Variants in ZNF334 observed in about 807,000 individuals in gnomAD.
ZNF334 encodes zinc finger protein 334.
Under a neutral mutation model 12.4 loss-of-function variants are expected in ZNF334, and 14 were observed. The observed-to-expected ratio is 1.13, with a 90% confidence interval of 0.74 to 1.76. The LOEUF is 1.76. Among genes scored for constraint, ZNF334 ranks in the 40% most tolerant of loss-of-function variants. The probability of loss-of-function intolerance (pLI) is 0.00; values close to 1 mark genes in which losing one functional copy is unlikely to be tolerated. For missense variants in ZNF334, 797 were observed against 804.5 expected, an observed-to-expected ratio of 0.99 and a Z score of 0.11; for synonymous variants, 273 against 269.6, an observed-to-expected ratio of 1.01 and a Z score of -0.12.
chr20:46,505,203 C>T (rs1185498829), intron 2 of ZNF334: 1 of 152,500 alleles, frequency 6.6e-6, no homozygotes, highest in African/African-American at 2.4e-5. Flanking sequence ...AGAATATACA[C>T]AGACACAAAA....
the ZNF334 span, among the ~76,000 whole-genome samples, chr20:46,479,519 C>A: frequency 6.6e-6 from 1 of 152,216 alleles, no homozygotes; most frequent in East Asian, 1.9e-4. Flanking sequence ...AAAACAGACT[C>A]TGTGGCAATA....
rs1349122799 is a variant in ZNF334 at position 46,502,347 on chromosome 20, A to G, written c.992T>C (p.Phe331Ser). Residue 331 changes from phenylalanine to serine, a missense_variant, in exon 5 of 5, where the codon TTT (phenylalanine) becomes TCT (serine). By Grantham distance (155) the Phe-to-Ser change is radical (BLOSUM62 -2). Transcript: ENST00000692313. ...ATGTTCAGCCAGGGCTGACTTCCGA[A>G]AAAAGGTCTTTCCACATTCATTACA... ...YECNECGKTF[F>S]RKSALAEHFR... 2 of 1,614,076 alleles carry G rather than the reference A, an allele frequency of 1.2e-6. No homozygotes were observed. Among genetic ancestry groups the G allele is most frequent in the Non-Finnish European group, 1.7e-6 (2 of 1,179,992 alleles).
At chr20:46,488,938 C>T in the ZNF334 span, among the ~76,000 whole-genome samples, 1 of 151,200 alleles carries the variant, frequency 6.6e-6, no homozygotes, top group African/African-American at 2.4e-5. Flanking sequence ...CCTCTGGTTG[C>T]TTTTACAGTT....
intron 2 of ZNF334, among the ~76,000 whole-genome samples, chr20:46,510,712 C>T (rs1399652910): frequency 2.1e-5 from 3 of 143,018 alleles, no homozygotes; most frequent in South Asian, 2.2e-4. Flanking sequence ...GAGCTGAGAT[C>T]GTGCCACTGC....
Position 46,501,412 on chromosome 20 carries a change from G to C in ZNF334, c.1927C>G (p.Leu643Val). 3 of 1,614,046 alleles carry C rather than the reference G, an allele frequency of 1.9e-6. No homozygotes were observed. Among genetic ancestry groups the C allele is most frequent in the South Asian group, 1.1e-5 (1 of 91,074 alleles). The change falls in exon 5 of 5, where the codon CTC (leucine) becomes GTC (valine). Residue 643 changes from leucine to valine, a missense_variant. Physicochemically the swap from Leu to Val is conservative, Grantham distance 32 (BLOSUM62 1). Transcript: ENST00000692313. ...CGKTYRRLWTLTEHQKIHTGE... is the reference protein window; with the variant it reads ...CGKTYRRLWTVTEHQKIHTGE... ...GTGTGTATTTTCTGATGTTCAGTGA[G>C]AGTCCACAGGCGACGGTAGGTTTTC... is the stretch of plus-strand genomic sequence containing the variant.
rs759953169 is a variant in ZNF334 at position 46,501,424 on chromosome 20, G to A, written c.1915C>T (p.Arg639Cys). 36 of 1,613,958 alleles carry A rather than the reference G, an allele frequency of 2.2e-5. No individual in the cohort carries two copies. Among genetic ancestry groups the A allele is most frequent in the East Asian group, 1.1e-4 (5 of 44,886 alleles). Residue 639 changes from arginine (R) to cysteine (C), a missense_variant, in exon 5 of 5, where the codon CGC becomes TGC. Arg to Cys is a radical substitution (Grantham distance 180). Coordinates refer to ENST00000692313, the MANE Select transcript of ZNF334 (RefSeq NM_001353824.2). The part of the protein sequence containing the change: ...ECNQCGKTYR[R>C]LWTLTEHQKI... ...TGATGTTCAGTGAGAGTCCACAGGC[G>A]ACGGTAGGTTTTCCCACATTGATTA... is the stretch of plus-strand genomic sequence containing the variant.
the ZNF334 span, among the ~76,000 whole-genome samples, chr20:46,473,225 C>T: frequency 1.3e-5 from 2 of 152,156 alleles, no homozygotes; most frequent in Non-Finnish European, 2.9e-5. Context: ...AGGCTACCCT[C>T]GTATTCCAAT....
rs761774776 is a variant in ZNF334, at chr20:46,501,627, G to A, written c.1712C>T (p.Pro571Leu). 5.6e-6 allele frequency: 9 copies of A among 1,613,998 alleles called. No individual in the cohort carries two copies. Among genetic ancestry groups the A allele is most frequent in the African/African-American group, 1.3e-5 (1 of 74,902 alleles). The change falls in exon 5 of 5, where the codon CCC (proline) becomes CTC (leucine). Residue 571 changes from proline (P) to leucine (L), a missense_variant. Coordinates refer to ENST00000692313, the MANE Select transcript of ZNF334 (RefSeq NM_001353824.2). ...HHQRTHTGQRPYECNECGKTF... is the reference protein window; with the variant it reads ...HHQRTHTGQRLYECNECGKTF... Reference sequence around the variant, plus strand: ...TTTCCCACATTCATTACACTCATAGGGTCTCTGTCCTGTGTGTGTTCTCTG... The same window carrying A: ...TTTCCCACATTCATTACACTCATAGAGTCTCTGTCCTGTGTGTGTTCTCTG...
intron 2 of ZNF334, 173 bp from the exon 3 acceptor site, chr20:46,504,913 TTAAAA>T: frequency 1.9e-6 from 1 of 529,284 alleles, no homozygotes; most frequent in Non-Finnish European, 3.2e-6. Context: ...AAAATGAATT[TTAAAA>T]ATGTGCTGAG....
At chr20:46,488,763 T>G in the ZNF334 span, among the ~76,000 whole-genome samples, 3 of 151,896 alleles carry the variant, frequency 2.0e-5, no homozygotes, top group East Asian at 5.8e-4. Flanking sequence ...TTTGTCTTCA[T>G]TTTTGAAAGC....
chr20:46,498,124 C>T (rs943353812), downstream of ZNF334, among the ~76,000 whole-genome samples: 1 of 152,176 alleles, frequency 6.6e-6, no homozygotes, highest in Non-Finnish European at 1.5e-5. Context: ...GTTTTCAGCG[C>T]GTCTCCTCTC....
Position 46,507,967 on chromosome 20 carries a change from A to T in ZNF334, c.22-3227T>A, listed in dbSNP as rs3795124. ...AATGACTGGCAAAAATATTAGAAAC[A>T]AAACGCCAGGGAGAAAGAGTGCCAG... is the stretch of plus-strand genomic sequence containing the variant. On this transcript the variant is annotated intron_variant, in intron 2 of 4. Transcript: ENST00000692313. Among the ~76,000 whole-genome samples, 12 of 152,352 alleles carry T rather than the reference A, an allele frequency of 7.9e-5. No homozygotes were observed. The East Asian group carries it at 2.3e-3, about 29-fold the overall frequency.
chr20:46,485,849 T>C, the ZNF334 span, among the ~76,000 whole-genome samples: 8 of 152,208 alleles, frequency 5.3e-5, no homozygotes, highest in African/African-American at 1.7e-4. Context: ...ATAACCCTGT[T>C]TATTCTTTAA....
At chr20:46,482,327 C>T in the ZNF334 span, among the ~76,000 whole-genome samples, 2 of 152,126 alleles carry the variant, frequency 1.3e-5, no homozygotes, top group African/African-American at 2.4e-5. Context: ...ATGGAGATCA[C>T]GTTTCCATTA....
intron 2 of ZNF334, among the ~76,000 whole-genome samples, chr20:46,510,004 C>T (rs548672543): frequency 2.0e-4 from 31 of 152,236 alleles, no homozygotes; most frequent in African/African-American, 7.2e-4. Flanking sequence ...TGAATGTAGA[C>T]CATCTAGCAT....
At chr20:46,478,434 G>A in the ZNF334 span, among the ~76,000 whole-genome samples, 1 of 152,192 alleles carries the variant, frequency 6.6e-6, no homozygotes, top group East Asian at 1.9e-4. Context: ...TAGAATCAAT[G>A]GAAAGGAACG....
the ZNF334 span, among the ~76,000 whole-genome samples, chr20:46,483,384 T>A: frequency 0.051 from 7,728 of 152,240 alleles, 319 homozygotes; most frequent in East Asian, 0.21. Context: ...TCCCTTTTAT[T>A]TTTTCACAGA....
the ZNF334 span, chr20:46,481,177 G>A: frequency 6.6e-6 from 1 of 152,154 alleles, no homozygotes; most frequent in African/African-American, 2.4e-5. Context: ...TATCACAGGT[G>A]AACTGCTTAC....
rs143571608 is a variant in ZNF334, at chr20:46,501,882, T to C, written c.1457A>G (p.Glu486Gly). 1.2e-4 allele frequency: 189 copies of C among 1,614,018 alleles called. No individual in the cohort carries two copies. The highest frequency in any genetic ancestry group is 1.6e-4 in the Non-Finnish European group (184 of 1,180,024). ...ACATTTATTAAACACACCATGTTTC[T>C]CTCCTGTGTGTGTTCTCTGATGTAT... ...LTIHQRTHTG[E>G]KHGVFNKCGR... Residue 486 changes from glutamate to glycine, a missense_variant, in exon 5 of 5, where the codon GAG becomes GGG. Glu to Gly is a moderately conservative substitution (Grantham distance 98). Coordinates refer to ENST00000692313, the MANE Select transcript of ZNF334 (RefSeq NM_001353824.2).
Sources: allele counts gnomAD v4.1 joint callset (sites outside exome capture counted in the v4.1 genomes callset), GRCh38; gene constraint gnomAD v4.1.1; transcripts MANE v1.5; gene names NCBI Gene and HGNC (gene_info 2026-07-23, HGNC 2026-07-21).